Variants in COL7A1 observed in about 807,000 individuals in gnomAD.
COL7A1 encodes collagen type VII alpha 1 chain.
Under a neutral mutation model 456.2 loss-of-function variants are expected in COL7A1, and 296 were observed. The ratio of observed to expected loss-of-function variants is 0.65; its 90% CI spans 0.59 to 0.71. The LOEUF (loss-of-function observed/expected upper bound fraction) is 0.71, where lower values mean the gene tolerates loss of function less well. Ranked by LOEUF, COL7A1 falls within the 30% of genes least tolerant of loss-of-function variation. The pLI is 0.00. For missense variants in COL7A1, 3,441 were observed against 4,017.2 expected (o/e 0.86, Z 3.88); for synonymous variants, 1,464 against 1,525.9 (o/e 0.96, Z 0.95).
In COL7A1 at chr3:48,575,735, C is replaced by G; in HGVS notation, c.5870G>C (p.Arg1957Pro). ...CTCATCCCAGGTCTCCACGATCTCC[C>G]GCAGGGCAGATGCCTGAGGGACAGC... ...ETAGIKASALREIVETWDESS... is the reference protein window; with the variant it reads ...ETAGIKASALPEIVETWDESS... The change falls in exon 73 of 119, where the codon CGG becomes CCG. Residue 1957 changes from arginine (R) to proline (P), a missense_variant. Arg to Pro is a moderately radical substitution (Grantham distance 103). This residue lies in a region of COL7A1 where 2,084 missense variants were observed against 2,501.3 expected (regional missense o/e 0.83). Transcript: ENST00000681320. This position sits in a 1 kb window ranked among gnomAD's most constrained non-coding sequence, Gnocchi z 6.3. 6.2e-7 allele frequency: 1 copy of G among 1,614,004 alleles called. No homozygotes were observed. The highest frequency in any genetic ancestry group is 2.2e-5 in the East Asian group (1 of 44,876).
rs777096436 is a variant in COL7A1 at position 48,576,538 on chromosome 3, C to T, written c.5720G>A (p.Gly1907Glu). Residue 1907 changes from glycine to glutamate, a missense_variant, in exon 69 of 119, where the codon GGA becomes GAA. By Grantham distance (98) the Gly-to-Glu change is moderately conservative (BLOSUM62 -2). Coordinates refer to ENST00000681320, the MANE Select transcript of COL7A1 (RefSeq NM_000094.4). ...PPGQGFPGVP[G>E]GTGPKGDRGE... ...CGCACTCACCTTGGGGCCCGTGCCT[C>T]CTGGGACACCAGGAAAACCCTGAGA... The T allele has an allele frequency of 3.4e-5, 54 of 1,610,918 alleles. No homozygotes were observed. The highest frequency in any genetic ancestry group is 4.3e-5 in the Non-Finnish European group (51 of 1,179,020).
chr3:48,583,753 C>T lies in COL7A1; in HGVS notation c.4306G>A (p.Gly1436Ser), dbSNP rs1249257097. The T allele has an allele frequency of 1.2e-6, 2 of 1,613,952 alleles. No individual in the cohort carries two copies. Among genetic ancestry groups the T allele is most frequent in the Non-Finnish European group, 8.5e-7 (1 of 1,179,962 alleles). Residue 1436 changes from glycine (G) to serine (S), a missense_variant, in exon 40 of 119, where the codon GGC becomes AGC. Physicochemically the swap from Gly to Ser is moderately conservative, Grantham distance 56. Coordinates refer to ENST00000681320, the MANE Select transcript of COL7A1 (RefSeq NM_000094.4). The surrounding 1 kb of genome is among the most constrained non-coding windows in gnomAD (Gnocchi z 5.1). ...TTCTTTCCAGGGGGGCCAACGGGGC[C>T]TTGGGGTCCAGGGCTTCCGGGAAGA... ...PGLPGSPGPQ[G>S]PVGPPGKKGE...
At chr3:48,582,449 G>A (rs2044833465) in intron 46 of COL7A1, 29 bp downstream of exon 46, 2 of 1,614,144 alleles carry the variant, frequency 1.2e-6, no homozygotes, top group East Asian at 4.5e-5. Context: ...CCTAGTACCA[G>A]ACAGTGCCAC....
chr3:48,586,453 T>A lies in COL7A1; in HGVS notation c.3429A>T (p.Arg1143Ser). Residue 1143 changes from arginine (R) to serine (S), a missense_variant, in exon 27 of 119, where the codon AGA becomes AGT. Transcript: ENST00000681320. The surrounding 1 kb of genome is among the most constrained non-coding windows in gnomAD (Gnocchi z 5.1). ...CAGGAGCATCTGGTGCCAACATGTA[T>A]CTGTGAGCTGTGACCACGGCTGTGC... Reference protein sequence around the residue: ...NLGTAVVTAHRYMLAPDAPGR... With the variant: ...NLGTAVVTAHSYMLAPDAPGR... 6.2e-7 allele frequency: 1 copy of A among 1,613,770 alleles called. No individual in the cohort carries two copies. The highest frequency in any genetic ancestry group is 8.5e-7 in the Non-Finnish European group (1 of 1,180,024).
chr3:48,570,690 C>G lies in COL7A1; in HGVS notation c.7293G>C (p.Gly2431=). The part of the protein sequence containing the change: ...SGERGLAGPP[G]REGIPGPLGP... ...CCAGGGGTCCTGGGATTCCTTCTCT[C>G]CCTGGGGGGCCTGCCAGACCCTACC... Residue 2431 remains glycine, a synonymous_variant, in exon 96 of 119, where the codon GGG becomes GGC. Coordinates refer to ENST00000681320, the MANE Select transcript of COL7A1 (RefSeq NM_000094.4). The surrounding 1 kb of genome is among the most constrained non-coding windows in gnomAD (Gnocchi z 5.5). The G allele has an allele frequency of 6.3e-7, 1 of 1,583,038 alleles. No individual in the cohort carries two copies. The highest frequency in any genetic ancestry group is 1.7e-4 in the Middle Eastern group (1 of 5,950).
rs750041290 is a variant in COL7A1 at position 48,569,712 on chromosome 3, T to C, written c.7557+13A>G. On this transcript the variant is annotated intron_variant, in intron 101 of 118. Coordinates refer to ENST00000681320, the MANE Select transcript of COL7A1 (RefSeq NM_000094.4). This position sits in a 1 kb window ranked among gnomAD's most constrained non-coding sequence, Gnocchi z 4.9. ...CCTGGCCCCTGCCCTGCCCTCCCCA[T>C]GCCCACACTCACCTTGTCACCCTTT... is the stretch of plus-strand genomic sequence containing the variant. 11 of 1,613,954 alleles carry C rather than the reference T, an allele frequency of 6.8e-6. No homozygotes were observed. The South Asian group carries it at 8.8e-5, about 13-fold the overall frequency.
Position 48,594,360 on chromosome 3 carries a change from C to G in COL7A1, c.266+8G>C. On this transcript the variant is annotated splice_region_variant and intron_variant, in intron 3 of 118. Coordinates refer to ENST00000681320, the MANE Select transcript of COL7A1 (RefSeq NM_000094.4). The surrounding 1 kb of genome is among the most constrained non-coding windows in gnomAD (Gnocchi z 5.5). ...TCGTGGTCCCCAGCCCCCAGGGCCC[C>G]TACTCACCGTGGGTCATCGCTGTAC... 1 of 1,607,790 alleles carries G rather than the reference C, an allele frequency of 6.2e-7. No individual in the cohort carries two copies. Among genetic ancestry groups the G allele is most frequent in the Non-Finnish European group, 8.5e-7 (1 of 1,179,448 alleles).
chr3:48,584,318 G>T lies in COL7A1; in HGVS notation c.4177C>A (p.Leu1393Ile). 1 of 1,611,694 alleles carries T rather than the reference G, an allele frequency of 6.2e-7. No homozygotes were observed. The highest frequency in any genetic ancestry group is 8.5e-7 in the Non-Finnish European group (1 of 1,178,920). Residue 1393 changes from leucine to isoleucine, a missense_variant, in exon 37 of 119, where the codon CTT (leucine) becomes ATT (isoleucine). Transcript: ENST00000681320. ...GDPGPRGPPG[L>I]PGTAMKGDKG... ...GTCACCTTCATGGCTGTTCCAGGAA[G>T]CCCTGGGGGGCCACGGGGTCCTGGG...
rs771660179 is a variant in COL7A1 at position 48,587,008 on chromosome 3, C to T, written c.3240G>A (p.Val1080=). 10 of 1,601,468 alleles carry T rather than the reference C, an allele frequency of 6.2e-6. No individual in the cohort carries two copies. In the African/African-American group the frequency reaches 9.4e-5, roughly 15 times the overall value. The change falls in exon 25 of 119, where the codon GTG becomes GTA. Residue 1080 remains valine, a synonymous_variant. Coordinates refer to ENST00000681320, the MANE Select transcript of COL7A1 (RefSeq NM_000094.4). The surrounding 1 kb of genome is among the most constrained non-coding windows in gnomAD (Gnocchi z 6.1). ...EATRRVLERL[V]LALGPLGPQA... is the part of the protein sequence containing the mutation. ...GTGGCCCAAGAGGCCCAAGTGCCAA[C>T]ACCAGACGCTCCAGGACCCTCCTCG...
rs754566583 is a variant in COL7A1, at chr3:48,575,609, G to A, written c.5979+17C>T. 5 of 1,612,886 alleles carry A rather than the reference G, an allele frequency of 3.1e-6. No individual in the cohort carries two copies. In the Admixed American group the frequency reaches 8.3e-5, roughly 27 times the overall value. ...CCCACTCCACGGGGCACAACCCACT[G>A]AGCCACTTCTGCTCACCTCCTTGCC... On this transcript the variant is annotated intron_variant, in intron 73 of 118. Coordinates refer to ENST00000681320, the MANE Select transcript of COL7A1 (RefSeq NM_000094.4). This position sits in a 1 kb window ranked among gnomAD's most constrained non-coding sequence, Gnocchi z 6.3.
At position 48,592,662 on chromosome 3, in the gene COL7A1, C is replaced by T. The variant is rs561772805; in HGVS notation, c.884G>A (p.Arg295Gln). The change falls in exon 8 of 119, where the codon CGG becomes CAG. Residue 295 changes from arginine (R) to glutamine (Q), a missense_variant. Physicochemically the swap from Arg to Gln is conservative, Grantham distance 43. This residue lies in a region of COL7A1 where 913 missense variants were observed against 1,088.2 expected (regional missense o/e 0.84). Coordinates refer to ENST00000681320, the MANE Select transcript of COL7A1 (RefSeq NM_000094.4). The surrounding 1 kb of genome is among the most constrained non-coding windows in gnomAD (Gnocchi z 7.6). Reference protein sequence around the residue: ...VPAGETSVRLRGLRPLTEYQV... With the variant: ...VPAGETSVRLQGLRPLTEYQV... ...GTACTCGGTCAGTGGCCGGAGACCC[C>T]GCAGCCGCACACTGGTCTCACCAGC... The T allele has an allele frequency of 1.1e-5, 18 of 1,613,890 alleles. No individual in the cohort carries two copies. The highest frequency in any genetic ancestry group is 5.3e-5 in the African/African-American group (4 of 75,008).
In COL7A1 at chr3:48,594,427, A is replaced by G. The variant is rs2045927626; in HGVS notation, c.207T>C (p.Ser69=). The part of the protein sequence containing the change: ...SFLEGLVLPF[S]GAASAQGVRF... ...GCACACCCTGTGCACTGGCTGCTCC[A>G]GAGAAAGGCAGCACCAGCCCTTCGA... The change falls in exon 3 of 119, where the codon TCT becomes TCC. Residue 69 remains serine (S), a synonymous_variant. Transcript: ENST00000681320. This position sits in a 1 kb window ranked among gnomAD's most constrained non-coding sequence, Gnocchi z 5.5. 1.9e-6 allele frequency: 3 copies of G among 1,612,032 alleles called. No homozygotes were observed. Among genetic ancestry groups the G allele is most frequent in the Middle Eastern group, 2.2e-4 (1 of 4,494 alleles).
chr3:48,585,749 C>T lies in COL7A1; in HGVS notation c.3787-15G>A. ...CCTCTCAGGCCCTAGGAAGGGTAAT[C>T]AGTGAGACCTGTGCTGCCAACCTCT... is the stretch of plus-strand genomic sequence containing the variant. On this transcript the variant is annotated splice_polypyrimidine_tract_variant and intron_variant, in intron 30 of 118. Transcript: ENST00000681320. This position sits in a 1 kb window ranked among gnomAD's most constrained non-coding sequence, Gnocchi z 4.5. 1 of 1,614,038 alleles carries T rather than the reference C, an allele frequency of 6.2e-7. No individual in the cohort carries two copies. The highest frequency in any genetic ancestry group is 8.5e-7 in the Non-Finnish European group (1 of 1,180,016).
rs982567193 is a variant in COL7A1, at chr3:48,595,135, C to T, written c.25G>A (p.Ala9Thr). Residue 9 changes from alanine to threonine, a missense_variant, in exon 2 of 119, where the codon GCG becomes ACG. Physicochemically the swap from Ala to Thr is moderately conservative, Grantham distance 58. This residue lies in a region of COL7A1 where 913 missense variants were observed against 1,088.2 expected (regional missense o/e 0.84). Coordinates refer to ENST00000681320, the MANE Select transcript of COL7A1 (RefSeq NM_000094.4). ...TCTGCCAGGATCCCGGCGCAGAGCG[C>T]GGCCACCAGAAGCCGCAGCGTCATC... MTLRLLVA[A>T]LCAGILAEAP... is the part of the protein sequence containing the mutation. 4 of 1,553,378 alleles carry T rather than the reference C, an allele frequency of 2.6e-6. No homozygotes were observed. Among genetic ancestry groups the T allele is most frequent in the Middle Eastern group, 1.7e-4 (1 of 5,984 alleles).
chr3:48,587,340 C>T lies in COL7A1; in HGVS notation c.2993-4G>A, dbSNP rs755862446. Reference sequence around the variant, plus strand: ...GTCTGCGGGGACCCAGGCACTTCTGCAGGAGACAGAACTTGATTAAAAAGC... The same window carrying T: ...GTCTGCGGGGACCCAGGCACTTCTGTAGGAGACAGAACTTGATTAAAAAGC... On this transcript the variant is annotated splice_region_variant and splice_polypyrimidine_tract_variant and intron_variant, in intron 23 of 118. Coordinates refer to ENST00000681320, the MANE Select transcript of COL7A1 (RefSeq NM_000094.4). The surrounding 1 kb of genome is among the most constrained non-coding windows in gnomAD (Gnocchi z 6.1). 2 of 1,606,932 alleles carry T rather than the reference C, an allele frequency of 1.2e-6. No homozygotes were observed. Among genetic ancestry groups the T allele is most frequent in the Non-Finnish European group, 8.5e-7 (1 of 1,176,782 alleles).
At position 48,581,825 on chromosome 3, in the gene COL7A1, C is replaced by T; in HGVS notation, c.4669-66G>A. 6.2e-7 allele frequency: 1 copy of T among 1,613,496 alleles called. No homozygotes were observed. Among genetic ancestry groups the T allele is most frequent in the Non-Finnish European group, 8.5e-7 (1 of 1,179,438 alleles). ...AGTTAACCCCCTGACCCAGCAAGTC[C>T]TGTGACCCCCCAAGTCCCATAGATA... On this transcript the variant is annotated intron_variant, in intron 48 of 118. Coordinates refer to ENST00000681320, the MANE Select transcript of COL7A1 (RefSeq NM_000094.4). The surrounding 1 kb of genome is among the most constrained non-coding windows in gnomAD (Gnocchi z 5.8).
rs745390332 is a variant in COL7A1 at position 48,582,667 on chromosome 3, AG to A, written c.4519-15del. ...CCCTGGCAGCCCCTGGAGGAGAGGA[AG>A]GGAAGAGCTGTGCAGGTGGGTGGGG... On this transcript the variant is annotated splice_polypyrimidine_tract_variant and intron_variant, in intron 44 of 118. Transcript: ENST00000681320. 1.2e-6 allele frequency: 2 copies of A among 1,612,804 alleles called. No homozygotes were observed. Among genetic ancestry groups the A allele is most frequent in the African/African-American group, 1.3e-5 (1 of 74,870 alleles).
In COL7A1 at chr3:48,566,956, G is replaced by A. The variant is rs372495014; in HGVS notation, c.8177C>T (p.Pro2726Leu). ...GNDGSAGPPG[P>L]PGSVGPRGPE... Reference sequence around the variant, plus strand: ...GCCTCTGGGACCAACACTGCCAGGTGGCCCTGGGGGACCAGCAGAGCCATC... The same window carrying A: ...GCCTCTGGGACCAACACTGCCAGGTAGCCCTGGGGGACCAGCAGAGCCATC... Residue 2726 changes from proline to leucine, a missense_variant, in exon 111 of 119, where the codon CCA (proline) becomes CTA (leucine). By Grantham distance (98) the Pro-to-Leu change is moderately conservative (BLOSUM62 -3). Coordinates refer to ENST00000681320, the MANE Select transcript of COL7A1 (RefSeq NM_000094.4). This position sits in a 1 kb window ranked among gnomAD's most constrained non-coding sequence, Gnocchi z 5.9. 98 of 1,611,416 alleles carry A rather than the reference G, an allele frequency of 6.1e-5. No individual in the cohort carries two copies. Among genetic ancestry groups the A allele is most frequent in the South Asian group, 1.3e-4 (12 of 90,986 alleles).
chr3:48,565,754 G>T lies in COL7A1; in HGVS notation c.8408-86C>A. The T allele has an allele frequency of 3.1e-6, 4 of 1,298,304 alleles. No individual in the cohort carries two copies. Among genetic ancestry groups the T allele is most frequent in the Non-Finnish European group, 4.4e-6 (4 of 915,424 alleles). The allele number at this position is 1,298,304 out of a possible 1,614,324, so 80.4% of individuals were successfully genotyped here. A position where few individuals can be genotyped will look rare whatever the true frequency, so the allele number is the denominator to read the frequency against. ...GACAGACAGAGACACACAGGCAGAGGGGTAGAGATACACAAAGAGATAGCA... is the reference window on the plus strand; with the variant it reads ...GACAGACAGAGACACACAGGCAGAGTGGTAGAGATACACAAAGAGATAGCA... On this transcript the variant is annotated intron_variant, in intron 114 of 118. Coordinates refer to ENST00000681320, the MANE Select transcript of COL7A1 (RefSeq NM_000094.4). The surrounding 1 kb of genome is among the most constrained non-coding windows in gnomAD (Gnocchi z 4.5).
Sources: allele counts gnomAD v4.1 joint callset, GRCh38; gene constraint gnomAD v4.1.1; regional missense constraint gnomAD v4.1.1; non-coding constraint Gnocchi (gnomAD v3.1); transcripts MANE v1.5; gene names NCBI Gene and HGNC (gene_info 2026-07-23, HGNC 2026-07-21).